Variants in RTN4 observed in about 807,000 individuals in gnomAD.
RTN4 encodes reticulon 4.
Under a neutral mutation model 90.4 loss-of-function variants are expected in RTN4, and 32 were observed. That is an observed-to-expected ratio of 0.35 (90% CI 0.27 to 0.48). The LOEUF (loss-of-function observed/expected upper bound fraction) is 0.48. RTN4 is among the 20% of genes least tolerant of loss of function. The pLI is 0.99. For missense variants in RTN4, 1,706 were observed against 1,430.2 expected, an observed-to-expected ratio of 1.19 and a Z score of -3.11; for synonymous variants, 629 against 552.5, an observed-to-expected ratio of 1.14 and a Z score of -1.94.
intron 5 of RTN4, among the ~76,000 whole-genome samples, chr2:54,976,086 T>A (rs1376604058): frequency 2.0e-5 from 3 of 152,192 alleles, no homozygotes; most frequent in Non-Finnish European, 4.4e-5. Flanking sequence ...AAGAGAGTTA[T>A]TTTTATCCAT....
intron 2 of RTN4, among the ~76,000 whole-genome samples, chr2:55,076,775 T>G (rs534674025): frequency 6.6e-6 from 1 of 152,250 alleles, no homozygotes; most frequent in Non-Finnish European, 1.5e-5. Context: ...AAGTGAATCA[T>G]GGGGGTGGTT....
the RTN4 span, among the ~76,000 whole-genome samples, chr2:55,136,884 A>T: frequency 6.6e-6 from 1 of 152,208 alleles, no homozygotes; most frequent in South Asian, 2.1e-4. Context: ...ACCCTGGGCC[A>T]GGTACAGAGT....
intron 1 of RTN4, among the ~76,000 whole-genome samples, chr2:55,038,405 A>T: frequency 6.6e-6 from 1 of 152,306 alleles, no homozygotes; most frequent in South Asian, 2.1e-4. Context: ...TAATATATAG[A>T]GAGAACTCTT....
intron 1 of RTN4, among the ~76,000 whole-genome samples, chr2:55,102,619 C>T (rs1158037317): frequency 6.6e-6 from 1 of 151,958 alleles, no homozygotes; most frequent in African/African-American, 2.4e-5. Flanking sequence ...GACACATGGC[C>T]AACTGCCAGT....
At chr2:54,980,424 G>A (rs983857918) in intron 5 of RTN4, among the ~76,000 whole-genome samples, 1 of 152,068 alleles carries the variant, frequency 6.6e-6, no homozygotes, top group African/African-American at 2.4e-5. Context: ...AAAGACAAGT[G>A]GAAACTTTAT....
chr2:55,106,779 C>G (rs1667951701), intron 1 of RTN4, among the ~76,000 whole-genome samples: 1 of 151,998 alleles, frequency 6.6e-6, no homozygotes, highest in Admixed American at 6.6e-5. Flanking sequence ...CTAGGCCTCC[C>G]AAAGTGTTGG....
At chr2:55,036,917 G>A (rs985146519) in intron 1 of RTN4, among the ~76,000 whole-genome samples, 6 of 152,122 alleles carry the variant, frequency 3.9e-5, no homozygotes, top group African/African-American at 4.8e-5. Flanking sequence ...CAGGCTTCTC[G>A]TAAAGATCTG....
the RTN4 span, among the ~76,000 whole-genome samples, chr2:55,127,701 G>A: frequency 2.0e-5 from 3 of 152,266 alleles, no homozygotes; most frequent in East Asian, 3.9e-4. Flanking sequence ...GCCAAAGGAC[G>A]GAGCTAGAAC....
At position 55,025,650 on chromosome 2, in the gene RTN4, C is replaced by T; in HGVS notation, c.2449G>A (p.Asp817Asn). ...LDNTKDTLLPDEVSTLSKKEK... is the reference protein window; with the variant it reads ...LDNTKDTLLPNEVSTLSKKEK... ...TTTTTGCTCAATGTTGAAACTTCATCAGGTAACAGGGTATCTTTTGTGTTA... is the reference window on the plus strand; with the variant it reads ...TTTTTGCTCAATGTTGAAACTTCATTAGGTAACAGGGTATCTTTTGTGTTA... The change falls in exon 3 of 9, where the codon GAT (aspartate) becomes AAT (asparagine). Residue 817 changes from aspartate (D) to asparagine (N), a missense_variant. Asp to Asn is a conservative substitution (Grantham distance 23, BLOSUM62 1). Coordinates refer to ENST00000337526, the MANE Select transcript of RTN4 (RefSeq NM_020532.5). The T allele has an allele frequency of 6.2e-7, 1 of 1,613,758 alleles. No individual in the cohort carries two copies. The highest frequency in any genetic ancestry group is 1.1e-5 in the South Asian group (1 of 91,038).
chr2:55,062,867 A>G (rs1668325738), intron 2 of RTN4, among the ~76,000 whole-genome samples: 1 of 152,208 alleles, frequency 6.6e-6, no homozygotes, highest in African/African-American at 2.4e-5. Flanking sequence ...TCAATTTTTA[A>G]CAGTGTGTAT....
At chr2:55,072,196 A>G (rs1298674806) in intron 2 of RTN4, among the ~76,000 whole-genome samples, 1 of 151,198 alleles carries the variant, frequency 6.6e-6, no homozygotes, top group Non-Finnish European at 1.5e-5. Context: ...AAACAGAGTC[A>G]AAGAAAAGCA....
intron 3 of RTN4, among the ~76,000 whole-genome samples, chr2:55,020,473 T>A (rs1681345334): frequency 6.9e-6 from 1 of 145,928 alleles, no homozygotes. Flanking sequence ...GAACATTCAT[T>A]GATACTACTA....
intron 2 of RTN4, among the ~76,000 whole-genome samples, chr2:55,071,583 G>T (rs1668514986): frequency 7.0e-6 from 1 of 143,394 alleles, no homozygotes; most frequent in Admixed American, 7.1e-5. Flanking sequence ...ATTTACTTCT[G>T]CTAATGCAGA....
chr2:55,030,106 G>C (rs556460361), intron 1 of RTN4, among the ~76,000 whole-genome samples: 2 of 152,248 alleles, frequency 1.3e-5, no homozygotes, highest in South Asian at 4.1e-4. Flanking sequence ...TCAGAGGCTA[G>C]TCTATCTGGA....
intron 3 of RTN4, among the ~76,000 whole-genome samples, chr2:54,994,586 T>C (rs148109405): frequency 9.2e-5 from 14 of 152,270 alleles, no homozygotes; most frequent in Middle Eastern, 3.4e-3. Flanking sequence ...ATCAACCTGA[T>C]AAAGAGCATC....
intron 5 of RTN4, among the ~76,000 whole-genome samples, chr2:54,978,431 C>CACA (rs1677838968): frequency 1.2e-5 from 1 of 81,124 alleles, no homozygotes; most frequent in Non-Finnish European, 2.4e-5. Flanking sequence ...ACTCTATCTC[C>CACA]AAAAAAAAAA....
chr2:55,134,306 T>C, the RTN4 span, among the ~76,000 whole-genome samples: 8 of 152,320 alleles, frequency 5.3e-5, no homozygotes, highest in Admixed American at 3.9e-4. Context: ...CCTATCTCAC[T>C]ACCATCAGCA....
chr2:54,998,519 A>G (rs906829912), intron 3 of RTN4, among the ~76,000 whole-genome samples: 2 of 152,182 alleles, frequency 1.3e-5, no homozygotes, highest in African/African-American at 2.4e-5. Flanking sequence ...TTTTATTTAC[A>G]CTATTTTCAG....
chr2:55,017,701 C>T (rs1361894565), intron 3 of RTN4, among the ~76,000 whole-genome samples: 2 of 152,182 alleles, frequency 1.3e-5, no homozygotes, highest in African/African-American at 4.8e-5. Flanking sequence ...CCAACATAAA[C>T]AGATGATAGC....
Sources: allele counts gnomAD v4.1 joint callset (sites outside exome capture counted in the v4.1 genomes callset), GRCh38; gene constraint gnomAD v4.1.1; transcripts MANE v1.5; gene names NCBI Gene and HGNC (gene_info 2026-07-23, HGNC 2026-07-21).